CADPS2: variants seen among roughly 807,000 people sequenced by gnomAD.
CADPS2 encodes calcium dependent secretion activator 2.
Under a neutral mutation model 172.5 loss-of-function variants are expected in CADPS2, and 93 were observed. That is an observed-to-expected ratio of 0.54 (90% CI 0.46 to 0.64). CADPS2 has a LOEUF of 0.64. Ranked by LOEUF, CADPS2 falls within the 30% of genes least tolerant of loss-of-function variation. CADPS2 has a pLI of 0.00. For synonymous variants in CADPS2, 546 were observed against 555.2 expected (o/e 0.98, Z 0.23); for missense variants, 1,420 against 1,565.9 (o/e 0.91, Z 1.57).
At chr7:122,587,208 TC>T (rs1195624861) in intron 6 of CADPS2, among the ~76,000 whole-genome samples, 1 of 151,834 alleles carries the variant, frequency 6.6e-6, no homozygotes, top group Non-Finnish European at 1.5e-5. Flanking sequence ...TATCAACACA[TC>T]ACCTAGGTAT....
chr7:122,643,216 C>T lies in CADPS2; in HGVS notation c.787-13888G>A, dbSNP rs891577801. ...TGCCAAATATGCATAGATTTTGCAA[C>T]ACGGCCTCAAAACAATGGTCAAAAG... On this transcript the variant is annotated intron_variant, in intron 3 of 29. Transcript: ENST00000449022. 1.1e-4 allele frequency among the ~76,000 whole-genome samples: 16 copies of T among 152,270 alleles called. 1 individual carries two copies. Among genetic ancestry groups the T allele is most frequent in the Admixed American group, 8.5e-4 (13 of 15,294 alleles).
At chr7:122,712,898 C>T (rs942537547) in intron 2 of CADPS2, among the ~76,000 whole-genome samples, 3 of 151,952 alleles carry the variant, frequency 2.0e-5, no homozygotes, top group Admixed American at 1.3e-4. Context: ...GGGCTCTGCT[C>T]CCATGAGCTA....
At chr7:122,836,990 A>AT (rs1808676257) in intron 1 of CADPS2, among the ~76,000 whole-genome samples, 1 of 152,206 alleles carries the variant, frequency 6.6e-6, no homozygotes, top group African/African-American at 2.4e-5. Context: ...TCTCAGCACC[A>AT]TATCTTGCTT....
At position 122,886,155 on chromosome 7, in the gene CADPS2, G is replaced by C. The variant is rs1267616715; in HGVS notation, c.183C>G (p.Pro61=). Residue 61 remains proline (P), a synonymous_variant, in exon 1 of 30, where the codon CCC becomes CCG. Coordinates refer to ENST00000449022, the MANE Select transcript of CADPS2 (RefSeq NM_017954.11). ...CGTCTCGCCCCTCGCTGAGCACAGA[G>C]GGGCTCGGGCTCACAGATCTGGCCG... The part of the protein sequence containing the change: ...GGAARSVSPS[P]SVLSEGRDEP... 1.3e-6 allele frequency: 2 copies of C among 1,541,592 alleles called. No individual in the cohort carries two copies. Among genetic ancestry groups the C allele is most frequent in the Admixed American group, 2.0e-5 (1 of 50,130 alleles).
intron 1 of CADPS2, among the ~76,000 whole-genome samples, chr7:122,878,328 G>C (rs940548231): frequency 2.7e-5 from 4 of 148,736 alleles, no homozygotes; most frequent in Non-Finnish European, 4.4e-5. Flanking sequence ...TGACACATTA[G>C]AGAGGGAAAT....
At chr7:122,796,767 G>C (rs1796461107) in intron 1 of CADPS2, among the ~76,000 whole-genome samples, 1 of 151,720 alleles carries the variant, frequency 6.6e-6, no homozygotes, top group Non-Finnish European at 1.5e-5. Flanking sequence ...AAAAAACCCT[G>C]GAAGACAATC....
intron 11 of CADPS2, among the ~76,000 whole-genome samples, chr7:122,489,673 C>T (rs1043948277): frequency 3.3e-5 from 5 of 152,060 alleles, no homozygotes; most frequent in African/African-American, 1.2e-4. Flanking sequence ...GTATTAAGAA[C>T]AATTCTAGAA....
Position 122,325,481 on chromosome 7 carries a change from A to G in CADPS2, c.3713T>C (p.Val1238Ala). The change falls in exon 29 of 30, where the codon GTG (valine) becomes GCG (alanine). Residue 1238 changes from valine (V) to alanine (A), a missense_variant. Physicochemically the swap from Val to Ala is moderately conservative, Grantham distance 64. Transcript: ENST00000449022. ...IYQLKTLIKIVKKTYRDFRLQ... is the reference protein window; with the variant it reads ...IYQLKTLIKIAKKTYRDFRLQ... ...ATCTAAACACATTTTGTTTACCTTC[A>G]CAATCTTGATGAGCGTCTTCAGCTG... is the stretch of plus-strand genomic sequence containing the variant. 1 of 1,601,582 alleles carries G rather than the reference A, an allele frequency of 6.2e-7. No homozygotes were observed. Among genetic ancestry groups the G allele is most frequent in the Non-Finnish European group, 8.5e-7 (1 of 1,171,796 alleles).
chr7:122,452,891 ATG>A (rs1317999293), intron 14 of CADPS2, among the ~76,000 whole-genome samples: 1 of 152,118 alleles, frequency 6.6e-6, no homozygotes, highest in African/African-American at 2.4e-5. Flanking sequence ...AATCATATGT[ATG>A]TGTGTGTGTA....
chr7:122,361,008 A>C lies in CADPS2; in HGVS notation c.3393T>G (p.Val1131=). 1.2e-6 allele frequency: 2 copies of C among 1,612,966 alleles called. No individual in the cohort carries two copies. Among genetic ancestry groups the C allele is most frequent in the Non-Finnish European group, 1.7e-6 (2 of 1,179,168 alleles). ...EIISLLVSKF[V]SVLEGVLSKL... is the part of the protein sequence containing the mutation. Reference sequence around the variant, plus strand: ...TAGACAACACGCCTTCCAACACTGAAACAAACTATAATACAGTTATAGTGA... The same window carrying C: ...TAGACAACACGCCTTCCAACACTGACACAAACTATAATACAGTTATAGTGA... The change falls in exon 26 of 30, where the codon GTT becomes GTG. Residue 1131 remains valine, a synonymous_variant. Coordinates refer to ENST00000449022, the MANE Select transcript of CADPS2 (RefSeq NM_017954.11).
At chr7:122,423,438 A>C (rs2048772312) in intron 17 of CADPS2, among the ~76,000 whole-genome samples, 1 of 152,172 alleles carries the variant, frequency 6.6e-6, no homozygotes, top group African/African-American at 2.4e-5. Context: ...CAACTTTGTA[A>C]GAAGACTGCC....
chr7:122,816,522 T>C (rs960878415), intron 1 of CADPS2, among the ~76,000 whole-genome samples: 2 of 152,238 alleles, frequency 1.3e-5, no homozygotes, highest in Non-Finnish European at 2.9e-5. Context: ...CTCTTAAATA[T>C]TATGATCTCC....
chr7:122,545,461 T>C (rs2063529390), intron 8 of CADPS2, among the ~76,000 whole-genome samples: 2 of 152,072 alleles, frequency 1.3e-5, no homozygotes, highest in Admixed American at 6.6e-5. Context: ...GGGTATAAAA[T>C]CTAGACGAAC....
intron 6 of CADPS2, chr7:122,585,388 C>G (rs981236647): frequency 7.1e-6 from 1 of 141,224 alleles, no homozygotes; most frequent in East Asian, 2.1e-4. Flanking sequence ...TGAAAAGACA[C>G]AGTTAGAAAA....
intron 1 of CADPS2, among the ~76,000 whole-genome samples, chr7:122,758,726 G>A (rs2093264679): frequency 1.3e-5 from 2 of 152,058 alleles, no homozygotes; most frequent in Non-Finnish European, 2.9e-5. Context: ...CAGATGCTAA[G>A]CTACCTTTCA....
intron 2 of CADPS2, among the ~76,000 whole-genome samples, chr7:122,717,110 C>T (rs1054933929): frequency 2.0e-5 from 3 of 152,116 alleles, no homozygotes; most frequent in African/African-American, 7.2e-5. Flanking sequence ...TTTTTGATAT[C>T]CATACTTTTG....
chr7:122,598,022 A>G (rs932428051), intron 6 of CADPS2, among the ~76,000 whole-genome samples: 18 of 152,078 alleles, frequency 1.2e-4, no homozygotes, highest in Admixed American at 1.3e-4. Context: ...AACAGATGAC[A>G]TTTTGTTGCC....
intron 14 of CADPS2, among the ~76,000 whole-genome samples, chr7:122,467,689 A>G (rs1452889469): frequency 6.6e-6 from 1 of 152,196 alleles, no homozygotes; most frequent in Non-Finnish European, 1.5e-5. Context: ...TATGCCTTAC[A>G]TTAAATTGGG....
At position 122,438,381 on chromosome 7, in the gene CADPS2, C is replaced by A. The variant is rs764807617; in HGVS notation, c.2436G>T (p.Leu812Phe). The change falls in exon 17 of 30, where the codon TTG (leucine) becomes TTT (phenylalanine). Residue 812 changes from leucine to phenylalanine, a missense_variant. Physicochemically the swap from Leu to Phe is conservative, Grantham distance 22 (BLOSUM62 0). Transcript: ENST00000449022. ...VVRKCLEKAA[L>F]INYTRLTEYA... ...ATTCTGTGAGTCTAGTGTAATTGAT[C>A]AAGGCAGCTTTCTCGAGACATTTTC... 6.2e-7 allele frequency: 1 copy of A among 1,613,216 alleles called. No individual in the cohort carries two copies.
Sources: gnomAD v4.1 joint callset for allele counts (sites outside exome capture counted in the v4.1 genomes callset) on GRCh38, gnomAD v4.1.1 for gene constraint, MANE v1.5 for transcripts, NCBI Gene and HGNC (gene_info 2026-07-23, HGNC 2026-07-21) for gene names.